The following ENTPD3 variants were observed in gnomAD, a reference collection of about 807,000 sequenced individuals.
The protein encoded by ENTPD3 is ectonucleoside triphosphate diphosphohydrolase 3, also known as CD39 antigen-like 3.
A neutral mutation model predicts 51.2 loss-of-function variants in ENTPD3; 60 were observed. The observed-to-expected ratio is 1.17, with a 90% CI of 0.95 to 1.45. The LOEUF (loss-of-function observed/expected upper bound fraction) is 1.45, where lower values mean the gene tolerates loss of function less well. ENTPD3 is among the 40% of genes most tolerant of loss of function. The pLI, the probability that ENTPD3 is intolerant of heterozygous loss-of-function variation, is 0.00. For synonymous variants in ENTPD3, 221 were observed against 238.4 expected (o/e 0.93, Z 0.67); for missense variants, 593 against 641.1 (o/e 0.93, Z 0.81).
chr3:40,399,460 G>A (rs1955291021), intron 3 of ENTPD3: 1 of 152,124 alleles, frequency 6.6e-6, no homozygotes, highest in Non-Finnish European at 1.5e-5. Context: ...ACCCAGAAAG[G>A]TTAGGCAACT....
At chr3:40,414,612 AGTGAGACTAT>A in intron 5 of ENTPD3, 59 bp from the exon 6 acceptor site, 1 of 1,546,772 alleles carries the variant, frequency 6.5e-7, no homozygotes, top group Non-Finnish European at 8.9e-7. Context: ...TTTTCACCTG[AGTGAGACTAT>A]GTATTTTAAG....
rs547640363 is a variant in ENTPD3 at position 40,426,028 on chromosome 3, A to G, written c.1354-1244A>G. Reference sequence around the variant, plus strand: ...TGATAAGGGTGTGGTAAGGAGTTATAAGATACAGGGACATAAGAGTAACCT... The same window carrying G: ...TGATAAGGGTGTGGTAAGGAGTTATGAGATACAGGGACATAAGAGTAACCT... On this transcript the variant is annotated intron_variant, in intron 10 of 10. Transcript: ENST00000301825. 1.2e-4 allele frequency among the ~76,000 whole-genome samples: 18 copies of G among 151,928 alleles called. No individual in the cohort carries two copies. In the South Asian group the frequency reaches 3.7e-3, roughly 32 times the overall value.
In ENTPD3 at chr3:40,414,780, G is replaced by C. The variant is rs1414973751; in HGVS notation, c.537G>C (p.Gly179=). The change falls in exon 6 of 11, where the codon GGG becomes GGC. Residue 179 remains glycine, a synonymous_variant. Transcript: ENST00000301825. ...FDFRGAQIIS[G]QEEGVYGWIT... ...TTAGGGGTGCTCAAATCATTTCTGG[G>C]CAAGAAGAAGGGGTATATGGATGGA... The C allele has an allele frequency of 1.2e-6, 2 of 1,614,026 alleles. No individual in the cohort carries two copies. The highest frequency in any genetic ancestry group is 2.2e-5 in the South Asian group (2 of 91,066).
chr3:40,421,587 T>G (rs769260262), intron 7 of ENTPD3, among the ~76,000 whole-genome samples: 16 of 152,298 alleles, frequency 1.1e-4, no homozygotes, highest in Admixed American at 4.6e-4. Flanking sequence ...TTGTTTGTAA[T>G]GGCAAAATGA....
intron 5 of ENTPD3, among the ~76,000 whole-genome samples, chr3:40,414,364 A>G (rs922724404): frequency 6.6e-6 from 1 of 152,224 alleles, no homozygotes; most frequent in Non-Finnish European, 1.5e-5. Flanking sequence ...GATCTAAGAC[A>G]GAGCAATGGC....
At chr3:40,396,959 T>G (rs1955215588) in intron 3 of ENTPD3, among the ~76,000 whole-genome samples, 1 of 152,146 alleles carries the variant, frequency 6.6e-6, no homozygotes, top group Non-Finnish European at 1.5e-5. Flanking sequence ...TACACTCCCA[T>G]GCTCAGCCAT....
At position 40,414,778 on chromosome 3, in the gene ENTPD3, G is replaced by T. The variant is rs1315105235; in HGVS notation, c.535G>T (p.Gly179Trp). The T allele has an allele frequency of 6.2e-7, 1 of 1,613,874 alleles. No individual in the cohort carries two copies. Among genetic ancestry groups the T allele is most frequent in the East Asian group, 2.2e-5 (1 of 44,866 alleles). Residue 179 changes from glycine (G) to tryptophan (W), a missense_variant, in exon 6 of 11, where the codon GGG becomes TGG. By Grantham distance (184) the Gly-to-Trp change is radical. Transcript: ENST00000301825. Reference sequence around the variant, plus strand: ...CTTTAGGGGTGCTCAAATCATTTCTGGGCAAGAAGAAGGGGTATATGGATG... The same window carrying T: ...CTTTAGGGGTGCTCAAATCATTTCTTGGCAAGAAGAAGGGGTATATGGATG... ...FDFRGAQIIS[G>W]QEEGVYGWIT...
intron 3 of ENTPD3, among the ~76,000 whole-genome samples, chr3:40,397,444 C>T (rs957371489): frequency 1.3e-5 from 2 of 152,022 alleles, no homozygotes; most frequent in East Asian, 1.9e-4. Context: ...GGTCTGTGAT[C>T]TTGGGCATTT....
In ENTPD3 at chr3:40,392,143, G is replaced by A. The variant is rs563344768; in HGVS notation, c.161G>A (p.Gly54Glu). 4 of 1,614,082 alleles carry A rather than the reference G, an allele frequency of 2.5e-6. No individual in the cohort carries two copies. The South Asian group carries it at 4.4e-5, about 18-fold the overall frequency. Residue 54 changes from glycine (G) to glutamate (E), a missense_variant, in exon 3 of 11, where the codon GGA becomes GAA. By Grantham distance (98) the Gly-to-Glu change is moderately conservative (BLOSUM62 -2). Transcript: ENST00000301825. ...CACAAGCAAGAGGTCCTCCCTCCAG[G>A]ACTGAAGGTAAGTGTGAAGGGACTG... is the stretch of plus-strand genomic sequence containing the variant. ...QIHKQEVLPP[G>E]LKYGIVLDAG...
chr3:40,402,109 TCC>T, intron 4 of ENTPD3, among the ~76,000 whole-genome samples: 4 of 97,530 alleles, frequency 4.1e-5, no homozygotes, highest in African/African-American at 2.0e-4. Flanking sequence ...TCATTTCCTT[TCC>T]TTTTTTTTTT....
intron 7 of ENTPD3, among the ~76,000 whole-genome samples, chr3:40,416,674 A>T (rs1220888160): frequency 6.6e-6 from 1 of 152,188 alleles, no homozygotes; most frequent in Non-Finnish European, 1.5e-5. Context: ...TAAACTCAAC[A>T]TTATGCAGTG....
chr3:40,392,676 C>A, intron 3 of ENTPD3: 1 of 152,494 alleles, frequency 6.6e-6, no homozygotes, highest in Non-Finnish European at 1.5e-5. Context: ...AAGACCGAGG[C>A]TGAGCACAGT....
intron 7 of ENTPD3, among the ~76,000 whole-genome samples, chr3:40,420,549 T>C (rs1320049608): frequency 6.6e-6 from 1 of 152,134 alleles, no homozygotes. Flanking sequence ...TATTTTTTCT[T>C]TCAACCAATA....
chr3:40,401,949 C>T (rs980565856), intron 4 of ENTPD3, among the ~76,000 whole-genome samples: 1 of 151,606 alleles, frequency 6.6e-6, no homozygotes, highest in Non-Finnish European at 1.5e-5. Flanking sequence ...ATAGTTTTGT[C>T]TTATGTATGT....
chr3:40,407,866 GA>G (rs1955540224), intron 4 of ENTPD3, among the ~76,000 whole-genome samples: 1 of 152,134 alleles, frequency 6.6e-6, no homozygotes, highest in Non-Finnish European at 1.5e-5. Context: ...AAGTCAGACA[GA>G]CATGATATGC....
chr3:40,401,447 T>C (rs771006769), intron 4 of ENTPD3, among the ~76,000 whole-genome samples: 1 of 152,206 alleles, frequency 6.6e-6, no homozygotes, highest in Non-Finnish European at 1.5e-5. Context: ...TATGCACTCA[T>C]GCAATAGGTT....
chr3:40,425,034 T>A (rs1374666208), intron 10 of ENTPD3: 1 of 333,304 alleles, frequency 3.0e-6, no homozygotes, highest in Non-Finnish European at 5.6e-6. Context: ...TCCATTTGAA[T>A]GCCAGTTTGA....
chr3:40,391,796 TA>T lies in ENTPD3; in HGVS notation c.41-226del, dbSNP rs1454390441. ...GCATACCCTCCCTGCAACACTGTTT[TA>T]GTACACAATTTGTGAGGAAGGGCAA... On this transcript the variant is annotated intron_variant, in intron 2 of 10. Transcript: ENST00000301825. The T allele has an allele frequency of 2.0e-4, 117 of 584,628 alleles. 2 individuals are homozygous for T. Among genetic ancestry groups the T allele is most frequent in the East Asian group, 1.4e-3 (50 of 34,952 alleles). The allele number at this position is 584,628 out of a possible 1,614,324, so 36.2% of individuals were successfully genotyped here. A position where few individuals can be genotyped will look rare whatever the true frequency, so the allele number is the denominator to read the frequency against.
chr3:40,422,848 A>G lies in ENTPD3; in HGVS notation c.832-2A>G. 6.2e-7 allele frequency: 1 copy of G among 1,609,654 alleles called. No homozygotes were observed. Among genetic ancestry groups the G allele is most frequent in the Non-Finnish European group, 8.5e-7 (1 of 1,179,270 alleles). On this transcript the variant is annotated splice_acceptor_variant, in intron 7 of 10. Coordinates refer to ENST00000301825, the MANE Select transcript of ENTPD3 (RefSeq NM_001248.4). LOFTEE classifies it high-confidence loss of function. The stretch of plus-strand genomic sequence containing the variant: ...TCTAACACCTTACTCTTATACCTAC[A>G]GAATTCTCCTACCAAAAACCATCTC...
Sources: gnomAD v4.1 joint callset for allele counts (sites outside exome capture counted in the v4.1 genomes callset) on GRCh38, gnomAD v4.1.1 for gene constraint, MANE v1.5 for transcripts, NCBI Gene and HGNC (gene_info 2026-07-23, HGNC 2026-07-21) for gene names.